SLC5A4: variants seen among roughly 807,000 people sequenced by gnomAD.
SLC5A4 encodes solute carrier family 5 member 4, also known as probable glucose sensor protein SLC5A4.
A neutral mutation model predicts 70.3 loss-of-function variants in SLC5A4; 55 were observed. The observed-to-expected ratio is 0.78, with a 90% CI of 0.63 to 0.98. The LOEUF (loss-of-function observed/expected upper bound fraction) is 0.98, where lower values mean the gene tolerates loss of function less well. SLC5A4 is among the 50% of genes least tolerant of loss of function. The pLI, the probability that SLC5A4 is intolerant of heterozygous loss-of-function variation, is 0.00. For missense variants in SLC5A4, 735 were observed against 839.2 expected, an observed-to-expected ratio of 0.88 and a Z score of 1.53; for synonymous variants, 268 against 305.7, an observed-to-expected ratio of 0.88 and a Z score of 1.29.
chr22:32,251,168 A>G (rs1189766969), intron 3 of SLC5A4, among the ~76,000 whole-genome samples: 1 of 149,644 alleles, frequency 6.7e-6, no homozygotes, highest in African/African-American at 2.5e-5. Flanking sequence ...AAAAAAAAAA[A>G]AAAAAAAACC....
At chr22:32,283,960 A>G in the SLC5A4 span, among the ~76,000 whole-genome samples, 1 of 152,244 alleles carries the variant, frequency 6.6e-6, no homozygotes, top group African/African-American at 2.4e-5. Flanking sequence ...GGGGATTTGG[A>G]GGAATTTTTA....
At chr22:32,349,658 G>C in the SLC5A4 span, among the ~76,000 whole-genome samples, 1 of 152,172 alleles carries the variant, frequency 6.6e-6, no homozygotes, top group African/African-American at 2.4e-5. Context: ...AGGCATTAGA[G>C]CTTCTATTTT....
At chr22:32,252,229 CAAA>C (rs35272467) in intron 2 of SLC5A4, among the ~76,000 whole-genome samples, 10 of 91,342 alleles carry the variant, frequency 1.1e-4, no homozygotes, top group Non-Finnish European at 1.2e-4. Context: ...GACTCTGTCT[CAAA>C]AAAAAAAAAA....
the SLC5A4 span, among the ~76,000 whole-genome samples, chr22:32,321,144 G>GGCAT: frequency 1.3e-5 from 2 of 152,192 alleles, no homozygotes; most frequent in Non-Finnish European, 2.9e-5. Context: ...AAATAAGCTG[G>GGCAT]GCATGGTGGC....
At chr22:32,257,467 A>T (rs990368571), upstream of SLC5A4, among the ~76,000 whole-genome samples, 4 of 151,476 alleles carry the variant, frequency 2.6e-5, no homozygotes, top group African/African-American at 9.7e-5. Context: ...TGATCCTCCC[A>T]TCTCAGCCTC....
In SLC5A4 at chr22:32,255,198, C is replaced by T. The variant is rs1394093113; in HGVS notation, c.132G>A (p.Leu44=). 1 of 1,613,796 alleles carries T rather than the reference C, an allele frequency of 6.2e-7. No homozygotes were observed. The highest frequency in any genetic ancestry group is 8.5e-7 in the Non-Finnish European group (1 of 1,179,928). The change falls in exon 1 of 15, where the codon CTG becomes CTA. Residue 44 remains leucine (L), a synonymous_variant. Coordinates refer to ENST00000266086, the MANE Select transcript of SLC5A4 (RefSeq NM_014227.3). ...IYFLVVMAVG[L]WAMLKTNRGT... ...AAGCCACTGGGATTCCACCTACCCA[C>T]AGCCCAACAGCCATCACCACCAGAA...
At chr22:32,225,282 C>CA (rs1185975228) in intron 12 of SLC5A4, among the ~76,000 whole-genome samples, 2 of 151,992 alleles carry the variant, frequency 1.3e-5, no homozygotes, top group Admixed American at 6.6e-5. Context: ...TAATACTCAC[C>CA]ACAATCCCAT....
rs753503418 is a variant in SLC5A4, at chr22:32,254,226, G to T, written c.136-13C>A. 6.2e-7 allele frequency: 1 copy of T among 1,608,062 alleles called. No homozygotes were observed. The highest frequency in any genetic ancestry group is 8.5e-7 in the Non-Finnish European group (1 of 1,174,554). On this transcript the variant is annotated splice_polypyrimidine_tract_variant and intron_variant, in intron 1 of 14. Transcript: ENST00000266086. ...TCTTCAGCATCGCCTGAGCAGAAGG[G>T]AAGACAGGTGAGGGTCAAGCCCCAG...
the SLC5A4 span, among the ~76,000 whole-genome samples, chr22:32,301,811 T>C: frequency 3.4e-5 from 5 of 148,738 alleles, no homozygotes; most frequent in South Asian, 8.7e-4. Context: ...TAAGAATAGG[T>C]ATATTAATCA....
At chr22:32,237,597 CA>C (rs1229519717) in intron 6 of SLC5A4, among the ~76,000 whole-genome samples, 1 of 152,194 alleles carries the variant, frequency 6.6e-6, no homozygotes, top group Non-Finnish European at 1.5e-5. Context: ...GGGGAAAAGG[CA>C]GCACTTTAAT....
At chr22:32,335,296 G>A in the SLC5A4 span, among the ~76,000 whole-genome samples, 2 of 152,134 alleles carry the variant, frequency 1.3e-5, no homozygotes, top group African/African-American at 4.8e-5. Context: ...GATACAACGA[G>A]CCCAGAGCAA....
the SLC5A4 span, among the ~76,000 whole-genome samples, chr22:32,283,482 A>T: frequency 0.023 from 3,528 of 152,332 alleles, 148 homozygotes; most frequent in African/African-American, 0.079. Flanking sequence ...AGTCTAGACA[A>T]TCAACAAAAC....
At chr22:32,307,123 CCCATTA>C in the SLC5A4 span, among the ~76,000 whole-genome samples, 1 of 151,426 alleles carries the variant, frequency 6.6e-6, no homozygotes, top group Non-Finnish European at 1.5e-5. Flanking sequence ...TCCCTGGGAG[CCCATTA>C]CCATTTATGG....
chr22:32,287,529 G>A, the SLC5A4 span, among the ~76,000 whole-genome samples: 2 of 152,002 alleles, frequency 1.3e-5, no homozygotes, highest in Admixed American at 1.3e-4. Context: ...TAGGAGGCAA[G>A]TAATATGTCT....
the SLC5A4 span, chr22:32,270,754 G>T: frequency 1.6e-6 from 1 of 628,478 alleles, no homozygotes; most frequent in Non-Finnish European, 2.9e-6. Flanking sequence ...GCAGTGCACT[G>T]TAGGCAACCC....
rs146988560 is a variant in SLC5A4 at position 32,220,235 on chromosome 22, C to T, written c.1768+685G>A. On this transcript the variant is annotated intron_variant, in intron 14 of 14. Transcript: ENST00000266086. ...AGTACAAAACCAGAAAATGATAGGC[C>T]AGTCATACTCAGGAATGCTGATATA... 5.3e-3 allele frequency among the ~76,000 whole-genome samples: 806 copies of T among 152,160 alleles called. 4 individuals are homozygous for T. The highest frequency in any genetic ancestry group is 0.029 in the South Asian group (140 of 4,816).
rs1341364278 is a variant in SLC5A4 at position 32,239,547 on chromosome 22, T to A, written c.478-457A>T. Among the ~76,000 whole-genome samples, 4 of 13,180 alleles carry A rather than the reference T, an allele frequency of 3.0e-4. No homozygotes were observed. The African/African-American group carries it at 3.1e-3, about 10-fold the overall frequency. The allele number at this position is 13,180 out of a possible 152,430, so 8.6% of individuals were successfully genotyped here. A position where few individuals can be genotyped will look rare whatever the true frequency, so the allele number is the denominator to read the frequency against. ...ATATATATATATATATATATATATATATATATATATATATATATATATTTA... is the reference window on the plus strand; with the variant it reads ...ATATATATATATATATATATATATAAATATATATATATATATATATATTTA... On this transcript the variant is annotated intron_variant, in intron 5 of 14. Coordinates refer to ENST00000266086, the MANE Select transcript of SLC5A4 (RefSeq NM_014227.3).
the SLC5A4 span, among the ~76,000 whole-genome samples, chr22:32,291,889 T>G: frequency 6.9e-6 from 1 of 144,066 alleles, no homozygotes; most frequent in South Asian, 2.1e-4. Flanking sequence ...TTTTTTTTTT[T>G]GGAGATGGAG....
At chr22:32,237,402 C>G in intron 6 of SLC5A4, 78 bp from the exon 7 acceptor site, 1 of 916,716 alleles carries the variant, frequency 1.1e-6, no homozygotes, top group South Asian at 1.7e-5. Context: ...GGGTTCTCCT[C>G]CACCCACAAC....
Sources: allele counts gnomAD v4.1 joint callset (sites outside exome capture counted in the v4.1 genomes callset), GRCh38; gene constraint gnomAD v4.1.1; transcripts MANE v1.5; gene names NCBI Gene and HGNC (gene_info 2026-07-23, HGNC 2026-07-21).